Variants in MED12L observed in about 807,000 individuals in gnomAD.
MED12L encodes the protein mediator complex subunit 12L, also known as mediator of RNA polymerase II transcription subunit 12-like protein.
Under a neutral mutation model 281.3 loss-of-function variants are expected in MED12L, and 60 were observed. The ratio of observed to expected loss-of-function variants is 0.21; its 90% CI spans 0.17 to 0.26. The LOEUF is 0.26. Ranked by LOEUF, MED12L falls within the 10% of genes least tolerant of loss-of-function variation. MED12L has a pLI of 1.00. For missense variants in MED12L, 2,146 were observed against 2,680.9 expected (o/e 0.80, Z 4.41); for synonymous variants, 974 against 987.2 (o/e 0.99, Z 0.25).
Position 151,355,177 on chromosome 3 carries a change from G to A in MED12L, c.2455G>A (p.Glu819Lys). Reference sequence around the variant, plus strand: ...CAAACAGGAGACATTTCCAACACTGGAGACTGTGTTCACTAAACTCCAGCT... The same window carrying A: ...CAAACAGGAGACATTTCCAACACTGAAGACTGTGTTCACTAAACTCCAGCT... The part of the protein sequence containing the change: ...KNKQETFPTL[E>K]TVFTKLQLLS... The change falls in exon 18 of 45, where the codon GAG becomes AAG. Residue 819 changes from glutamate (E) to lysine (K), a missense_variant. Coordinates refer to ENST00000687756, the MANE Select transcript of MED12L (RefSeq NM_001393769.1). The A allele has an allele frequency of 6.2e-7, 1 of 1,614,004 alleles. No individual in the cohort carries two copies. The highest frequency in any genetic ancestry group is 8.5e-7 in the Non-Finnish European group (1 of 1,179,934).
chr3:151,378,594 A>G (rs1711645857), intron 31 of MED12L, among the ~76,000 whole-genome samples: 2 of 152,076 alleles, frequency 1.3e-5, no homozygotes, highest in African/African-American at 4.8e-5. Context: ...TTTAACATTT[A>G]GGGCTCCTGT....
intron 11 of MED12L, among the ~76,000 whole-genome samples, chr3:151,168,999 G>A (rs1005726): frequency 0.2 from 29,896 of 151,524 alleles, 3,000 homozygotes; most frequent in East Asian, 0.29. Context: ...AAAATATGTC[G>A]TTGGTATCTG....
chr3:151,106,337 C>G lies in MED12L; in HGVS notation c.100-10001C>G, dbSNP rs528481687. 6.3e-5 allele frequency among the ~76,000 whole-genome samples: 8 copies of G among 127,338 alleles called. No individual in the cohort carries two copies. In the South Asian group the frequency reaches 2.1e-3, roughly 33 times the overall value. The allele number at this position is 127,338 out of a possible 152,430, so 83.5% of individuals were successfully genotyped here. On this transcript the variant is annotated intron_variant, in intron 2 of 44. Coordinates refer to ENST00000687756, the MANE Select transcript of MED12L (RefSeq NM_001393769.1). ...CCCTCCCCTCCCCTCCCCTCCCCTC[C>G]CCTCCCCTTTCCTTTCCTTTCCTAC... is the stretch of plus-strand genomic sequence containing the variant.
At chr3:151,336,112 G>A (rs1452231504) in intron 16 of MED12L, among the ~76,000 whole-genome samples, 2 of 152,146 alleles carry the variant, frequency 1.3e-5, no homozygotes, top group African/African-American at 2.4e-5. Flanking sequence ...AAAAGAAGAA[G>A]GTTAGATTAG....
intron 13 of MED12L, among the ~76,000 whole-genome samples, chr3:151,190,181 T>C (rs994726732): frequency 2.0e-5 from 3 of 151,982 alleles, no homozygotes; most frequent in African/African-American, 7.2e-5. Context: ...TATCTTTTTT[T>C]TTTTTTTGAG....
intron 16 of MED12L, among the ~76,000 whole-genome samples, chr3:151,315,865 TA>T (rs1748158950): frequency 6.6e-6 from 1 of 152,184 alleles, no homozygotes; most frequent in African/African-American, 2.4e-5. Flanking sequence ...AGATAAATCT[TA>T]AAATAAGAAA....
chr3:151,390,049 A>T lies in MED12L; in HGVS notation c.5522A>T (p.His1841Leu). 6.2e-7 allele frequency: 1 copy of T among 1,614,154 alleles called. No individual in the cohort carries two copies. Among genetic ancestry groups the T allele is most frequent in the South Asian group, 1.1e-5 (1 of 91,086 alleles). ...YSPISSQMMH[H>L]PQSTLWGYNL... ...CCTATCTCCTCCCAAATGATGCACC[A>T]TCCACAGTCCACCTTGTGGGGTTAC... is the stretch of plus-strand genomic sequence containing the variant. The change falls in exon 38 of 45, where the codon CAT (histidine) becomes CTT (leucine). Residue 1841 changes from histidine to leucine, a missense_variant. This residue lies in a region of MED12L where 496 missense variants were observed against 512.0 expected (regional missense o/e 0.97). Coordinates refer to ENST00000687756, the MANE Select transcript of MED12L (RefSeq NM_001393769.1).
In MED12L at chr3:151,397,521, A is replaced by G. The variant is rs368944138; in HGVS notation, c.5820+2654A>G. On this transcript the variant is annotated intron_variant, in intron 39 of 44. Coordinates refer to ENST00000687756, the MANE Select transcript of MED12L (RefSeq NM_001393769.1). ...CTCAATAGATCATGTATAAGCTATT[A>G]ATATAACTGGAATTTAGCAAATATG... 1.7e-4 allele frequency among the ~76,000 whole-genome samples: 26 copies of G among 152,338 alleles called. No individual in the cohort carries two copies. In the East Asian group the frequency reaches 5.0e-3, roughly 29 times the overall value.
intron 21 of MED12L, among the ~76,000 whole-genome samples, chr3:151,363,194 A>G (rs1002393258): frequency 6.6e-6 from 1 of 152,146 alleles, no homozygotes; most frequent in Non-Finnish European, 1.5e-5. Flanking sequence ...GGCACTGTCT[A>G]AAGTTTCCTC....
intron 16 of MED12L, chr3:151,214,336 G>T: frequency 6.2e-7 from 1 of 1,604,338 alleles, no homozygotes; most frequent in Non-Finnish European, 8.5e-7. Context: ...TCTGAAGGCA[G>T]AGGCCTGAAA....
chr3:151,430,951 G>C (rs367627031), intron 44 of MED12L, among the ~76,000 whole-genome samples: 1 of 151,672 alleles, frequency 6.6e-6, no homozygotes, highest in Non-Finnish European at 1.5e-5. Flanking sequence ...GTTTTGTTTT[G>C]TTTTGTTTAA....
chr3:151,210,526 T>C (rs1576977879), intron 16 of MED12L, among the ~76,000 whole-genome samples: 1 of 152,336 alleles, frequency 6.6e-6, no homozygotes, highest in East Asian at 1.9e-4. Context: ...TTATCTCAAA[T>C]ATTCCTTTTA....
intron 16 of MED12L, among the ~76,000 whole-genome samples, chr3:151,245,083 T>G (rs1735107515): frequency 6.6e-6 from 1 of 152,152 alleles, no homozygotes; most frequent in Non-Finnish European, 1.5e-5. Context: ...AAGTTGAATC[T>G]CTGAATAGAC....
intron 16 of MED12L, among the ~76,000 whole-genome samples, chr3:151,297,359 A>G (rs1206258734): frequency 2.0e-5 from 3 of 152,318 alleles, no homozygotes; most frequent in African/African-American, 7.2e-5. Context: ...GTCTGCTTGA[A>G]TTAATTTACC....
At chr3:151,309,137 A>ACATG (rs1553775142) in intron 16 of MED12L, among the ~76,000 whole-genome samples, 2 of 134,094 alleles carry the variant, frequency 1.5e-5, no homozygotes, top group African/African-American at 6.1e-5. Flanking sequence ...ACACACACAC[A>ACATG]CACGCACACA....
intron 16 of MED12L, among the ~76,000 whole-genome samples, chr3:151,325,854 T>G (rs1749532902): frequency 1.3e-5 from 2 of 152,214 alleles, no homozygotes; most frequent in Admixed American, 1.3e-4. Context: ...CAAGGGTAGC[T>G]TGGATGCAGT....
chr3:151,156,128 A>G (rs1354875769), intron 5 of MED12L, 33 bp from the exon 6 acceptor site: 1 of 1,555,478 alleles, frequency 6.4e-7, no homozygotes, highest in Non-Finnish European at 8.7e-7. Flanking sequence ...CATTGTGTCT[A>G]GAAACTCATA....
At chr3:151,258,221 T>C (rs1255947454) in intron 16 of MED12L, among the ~76,000 whole-genome samples, 1 of 152,184 alleles carries the variant, frequency 6.6e-6, no homozygotes, top group Admixed American at 6.5e-5. Context: ...GGAAGCTAGA[T>C]GGGAACTAGC....
chr3:151,284,315 C>T (rs1027538217), intron 16 of MED12L, among the ~76,000 whole-genome samples: 6 of 151,880 alleles, frequency 4.0e-5, no homozygotes, highest in Admixed American at 2.6e-4. Flanking sequence ...AAGAATAAGC[C>T]GCACCTGACA....
Sources: allele counts gnomAD v4.1 joint callset (sites outside exome capture counted in the v4.1 genomes callset), GRCh38; gene constraint gnomAD v4.1.1; regional missense constraint gnomAD v4.1.1; transcripts MANE v1.5; gene names NCBI Gene and HGNC (gene_info 2026-07-23, HGNC 2026-07-21).